LRGUK: variants seen among roughly 807,000 people sequenced by gnomAD.
LRGUK encodes leucine-rich repeat and guanylate kinase domain-containing protein.
Under a neutral mutation model 76.0 loss-of-function variants are expected in LRGUK, and 65 were observed. That is an observed-to-expected ratio of 0.85 (90% CI 0.70 to 1.05). The LOEUF (loss-of-function observed/expected upper bound fraction) is 1.05, where lower values mean the gene tolerates loss of function less well. Among genes scored for constraint, LRGUK ranks in the 50% least tolerant of loss-of-function variants. The probability of loss-of-function intolerance (pLI) is 0.00; values close to 1 mark genes in which losing one functional copy is unlikely to be tolerated. For missense variants in LRGUK, 758 were observed against 732.8 expected (o/e 1.03, Z -0.40); for synonymous variants, 268 against 265.6 (o/e 1.01, Z -0.09).
At chr7:134,178,530 C>A in exon 10 of LRGUK, 1 of 1,612,306 alleles carries the variant, frequency 6.2e-7, no homozygotes, top group Non-Finnish European at 8.5e-7. Context: ...ATATGATCCT[C>A]CCCCTGAAGT....
chr7:134,156,884 C>CA (rs566076796), intron 5 of LRGUK, among the ~76,000 whole-genome samples: 2 of 151,754 alleles, frequency 1.3e-5, no homozygotes, highest in South Asian at 4.2e-4. Context: ...TATTTTAAGG[C>CA]AAAAAAATGG....
chr7:134,142,753 G>A (rs1797818045), intron 3 of LRGUK, among the ~76,000 whole-genome samples: 1 of 152,186 alleles, frequency 6.6e-6, no homozygotes, highest in Non-Finnish European at 1.5e-5. Flanking sequence ...TTCATTGTTA[G>A]TGGCAGAGTG....
chr7:134,170,045 T>C (rs1346821316), intron 7 of LRGUK, among the ~76,000 whole-genome samples: 1 of 152,060 alleles, frequency 6.6e-6, no homozygotes, highest in Non-Finnish European at 1.5e-5. Flanking sequence ...ATTATGTCAC[T>C]CTGGTAGAGA....
intron 15 of LRGUK, among the ~76,000 whole-genome samples, chr7:134,202,280 C>T (rs1225797102): frequency 6.6e-6 from 1 of 151,668 alleles, no homozygotes; most frequent in Non-Finnish European, 1.5e-5. Flanking sequence ...CTTTAATCCA[C>T]CTCACAACTA....
chr7:134,203,169 C>CTA (rs1033642809), intron 15 of LRGUK, among the ~76,000 whole-genome samples: 6 of 151,892 alleles, frequency 4.0e-5, no homozygotes, highest in Non-Finnish European at 8.8e-5. Context: ...CACCACTGCA[C>CTA]TCTAGCCTAG....
chr7:134,264,071 C>T, exon 20 of LRGUK: 1 of 1,221,284 alleles, frequency 8.2e-7, no homozygotes, highest in Non-Finnish European at 1.1e-6. Context: ...GTTTCTCACT[C>T]AACCCATTAC....
At chr7:134,215,103 T>C (rs1352553216), downstream of LRGUK, among the ~76,000 whole-genome samples, 1 of 152,198 alleles carries the variant, frequency 6.6e-6, no homozygotes, top group African/African-American at 2.4e-5. Context: ...TAGAAAATTA[T>C]ATGTACTTAG....
At chr7:134,250,167 A>G (rs749936520) in intron 18 of LRGUK, among the ~76,000 whole-genome samples, 13 of 152,172 alleles carry the variant, frequency 8.5e-5, no homozygotes, top group Non-Finnish European at 1.3e-4. Flanking sequence ...AAATGTGAAC[A>G]GTGGCTATTT....
chr7:134,209,502 G>A (rs914035633), exon 16 of LRGUK: 5 of 398,996 alleles, frequency 1.3e-5, no homozygotes, highest in African/African-American at 1.0e-4. Context: ...CCCCAGGCCA[G>A]GGGAGCCCCG....
In LRGUK at chr7:134,158,233, C is replaced by T. The variant is rs1585459113; in HGVS notation, c.795+74C>T. 4 of 1,320,590 alleles carry T rather than the reference C, an allele frequency of 3.0e-6. No individual in the cohort carries two copies. The East Asian group carries it at 9.6e-5, about 32-fold the overall frequency. The allele number at this position is 1,320,590 out of a possible 1,614,324, so 81.8% of individuals were successfully genotyped here. A position where few individuals can be genotyped will look rare whatever the true frequency, so the allele number is the denominator to read the frequency against. ...TTAGTAACTACATGAATTATGACTACTTAGGATTCAAATATATAAAGAGAA... is the reference window on the plus strand; with the variant it reads ...TTAGTAACTACATGAATTATGACTATTTAGGATTCAAATATATAAAGAGAA... On this transcript the variant is annotated intron_variant, in intron 6 of 15. Coordinates refer to ENST00000645682, the Ensembl canonical transcript of LRGUK.
At chr7:134,203,403 G>C (rs1341421242) in intron 15 of LRGUK, among the ~76,000 whole-genome samples, 1 of 152,086 alleles carries the variant, frequency 6.6e-6, no homozygotes, top group Non-Finnish European at 1.5e-5. Flanking sequence ...ATAGGATTTT[G>C]TTTACCAGGT....
chr7:134,185,999 G>A (rs764379868), intron 11 of LRGUK, among the ~76,000 whole-genome samples: 1 of 152,120 alleles, frequency 6.6e-6, no homozygotes, highest in Non-Finnish European at 1.5e-5. Context: ...TAAGCTGAAC[G>A]CAATGAATGG....
At chr7:134,235,974 T>G (rs1802004399) in intron 16 of LRGUK, among the ~76,000 whole-genome samples, 1 of 152,228 alleles carries the variant, frequency 6.6e-6, no homozygotes, top group Non-Finnish European at 1.5e-5. Flanking sequence ...CCGCATAAGA[T>G]ATCACATTTT....
chr7:134,199,129 T>C (rs1028161702), intron 13 of LRGUK, 91 bp from the exon 14 acceptor site: 4 of 907,456 alleles, frequency 4.4e-6, no homozygotes, highest in East Asian at 2.5e-5. Context: ...TTAATAATAC[T>C]ACTTCTTATA....
intron 10 of LRGUK, among the ~76,000 whole-genome samples, chr7:134,179,692 G>A (rs1658326015): frequency 2.0e-5 from 3 of 152,256 alleles, no homozygotes; most frequent in Admixed American, 6.5e-5. Flanking sequence ...CATATATCAA[G>A]GAAATTTGCA....
chr7:134,265,671 G>A (rs1422436719), downstream of LRGUK, among the ~76,000 whole-genome samples: 1 of 152,112 alleles, frequency 6.6e-6, no homozygotes, highest in African/African-American at 2.4e-5. Flanking sequence ...GCTGTAACAA[G>A]GTTCTCCTCC....
At chr7:134,165,430 G>A (rs1426869646) in intron 7 of LRGUK, among the ~76,000 whole-genome samples, 4 of 152,152 alleles carry the variant, frequency 2.6e-5, no homozygotes, top group Non-Finnish European at 5.9e-5. Flanking sequence ...ATGCTAATGG[G>A]CCTCCCTTCT....
chr7:134,260,170 A>G (rs938399373), intron 19 of LRGUK, among the ~76,000 whole-genome samples: 1 of 152,056 alleles, frequency 6.6e-6, no homozygotes, highest in South Asian at 2.1e-4. Context: ...GTATAATAAT[A>G]TGGTATTATC....
the LRGUK span, among the ~76,000 whole-genome samples, chr7:134,276,345 C>A: frequency 2.6e-5 from 4 of 152,338 alleles, no homozygotes; most frequent in African/African-American, 9.6e-5. Flanking sequence ...AGACTGCTGT[C>A]AGAATTCCTG....
Sources: gnomAD v4.1 joint callset for allele counts (sites outside exome capture counted in the v4.1 genomes callset) on GRCh38, gnomAD v4.1.1 for gene constraint, MANE v1.5 for transcripts, NCBI Gene and HGNC (gene_info 2026-07-23, HGNC 2026-07-21) for gene names.